The following SDK1 variants were observed in gnomAD, a reference collection of about 807,000 sequenced individuals.
The protein encoded by SDK1 is sidekick cell adhesion molecule 1.
A neutral mutation model predicts 245.5 loss-of-function variants in SDK1; 157 were observed. The observed-to-expected ratio is 0.64, with a 90% confidence interval of 0.56 to 0.73. The LOEUF (loss-of-function observed/expected upper bound fraction) is 0.73. Ranked by LOEUF, SDK1 falls within the 30% of genes least tolerant of loss-of-function variation. SDK1 has a pLI of 0.00. For missense variants in SDK1, 3,583 were observed against 3,002.3 expected (o/e 1.19, Z -4.52); for synonymous variants, 1,647 against 1,278.5 (o/e 1.29, Z -6.15).
At chr7:4,069,435 G>A (rs942449077) in intron 20 of SDK1, among the ~76,000 whole-genome samples, 6 of 152,240 alleles carry the variant, frequency 3.9e-5, no homozygotes, top group Admixed American at 1.3e-4. Context: ...CCCGGCAGGG[G>A]CTCCTGCGTG....
chr7:3,994,798 C>T (rs1784582062), intron 14 of SDK1, among the ~76,000 whole-genome samples: 1 of 152,090 alleles, frequency 6.6e-6, no homozygotes, highest in Non-Finnish European at 1.5e-5. Context: ...CACCACTGAC[C>T]CTAACTGGCT....
intron 1 of SDK1, among the ~76,000 whole-genome samples, chr7:3,530,311 A>G (rs1433730503): frequency 6.6e-6 from 1 of 152,174 alleles, no homozygotes; most frequent in African/African-American, 2.4e-5. Context: ...GGTATCCTTC[A>G]CAGATGTTCC....
At position 3,681,138 on chromosome 7, in the gene SDK1, G is replaced by A. The variant is rs181459894; in HGVS notation, c.713+39033G>A. ...ATTACAGGCGTGAGCCACCGCGCCC[G>A]GCTGCCACTTTGTATTTCTTTATAG... On this transcript the variant is annotated intron_variant, in intron 4 of 44. Transcript: ENST00000404826. 3.2e-3 allele frequency among the ~76,000 whole-genome samples: 481 copies of A among 152,238 alleles called. 5 individuals carry two copies. Among genetic ancestry groups the A allele is most frequent in the African/African-American group, 0.01 (421 of 41,538 alleles).
intron 1 of SDK1, among the ~76,000 whole-genome samples, chr7:3,322,976 ATTTTTG>A (rs996638506): frequency 7.9e-5 from 12 of 152,014 alleles, no homozygotes; most frequent in Admixed American, 3.9e-4. Context: ...CACCTGGCTC[ATTTTTG>A]TTTTTGTTTT....
intron 4 of SDK1, among the ~76,000 whole-genome samples, chr7:3,781,992 A>C (rs1178470777): frequency 1.3e-5 from 2 of 152,214 alleles, no homozygotes; most frequent in Non-Finnish European, 2.9e-5. Context: ...ACCAGAAACT[A>C]TATTTAAAGA....
intron 35 of SDK1, among the ~76,000 whole-genome samples, chr7:4,190,610 TG>T (rs1783140635): frequency 6.6e-6 from 1 of 152,216 alleles, no homozygotes; most frequent in African/African-American, 2.4e-5. Flanking sequence ...GCCTCCGCCG[TG>T]GGGGATTCTC....
intron 4 of SDK1, among the ~76,000 whole-genome samples, chr7:3,753,787 AATAATACATT>A (rs1225150240): frequency 1.3e-5 from 2 of 152,192 alleles, no homozygotes; most frequent in East Asian, 3.8e-4. Flanking sequence ...ATGTACAGCC[AATAATACATT>A]TTAAAAGGCA....
intron 4 of SDK1, among the ~76,000 whole-genome samples, chr7:3,787,318 A>G (rs1269452131): frequency 6.6e-6 from 1 of 152,172 alleles, no homozygotes; most frequent in Non-Finnish European, 1.5e-5. Context: ...TAAGCATCTA[A>G]ACTCTGATTA....
chr7:3,380,451 C>T (rs4722743), intron 1 of SDK1, among the ~76,000 whole-genome samples: 152,286 of 152,358 alleles, frequency 1, 76,107 homozygotes, highest in Middle Eastern at 1. Flanking sequence ...TACCTTGAGA[C>T]TGAAGTGTCT....
chr7:3,606,679 A>G (rs939296667), intron 1 of SDK1, among the ~76,000 whole-genome samples: 1 of 152,136 alleles, frequency 6.6e-6, no homozygotes, highest in Non-Finnish European at 1.5e-5. Context: ...TTTCTTACTC[A>G]GATACCCCGT....
At chr7:3,744,594 A>C (rs893192800) in intron 4 of SDK1, among the ~76,000 whole-genome samples, 1 of 152,078 alleles carries the variant, frequency 6.6e-6, no homozygotes, top group Non-Finnish European at 1.5e-5. Flanking sequence ...GGCAGATCAC[A>C]AAGTCAGGAG....
intron 5 of SDK1, among the ~76,000 whole-genome samples, chr7:3,904,918 G>A (rs924327792): frequency 4.6e-5 from 7 of 151,824 alleles, no homozygotes; most frequent in East Asian, 1.9e-4. Flanking sequence ...GCGTGAACCC[G>A]GGAGGTGGAG....
At chr7:3,679,867 T>TA (rs1300122186) in intron 4 of SDK1, among the ~76,000 whole-genome samples, 1 of 152,226 alleles carries the variant, frequency 6.6e-6, no homozygotes, top group African/African-American at 2.4e-5. Context: ...AAACAAAACA[T>TA]ACGCTTACCA....
chr7:3,964,784 A>G (rs1246994725), intron 9 of SDK1, among the ~76,000 whole-genome samples: 1 of 152,184 alleles, frequency 6.6e-6, no homozygotes, highest in African/African-American at 2.4e-5. Flanking sequence ...GTGCACAGCC[A>G]AGGGCTCTTC....
At chr7:3,685,291 G>A (rs776243484) in intron 4 of SDK1, among the ~76,000 whole-genome samples, 3 of 151,748 alleles carry the variant, frequency 2.0e-5, no homozygotes, top group African/African-American at 4.8e-5. Context: ...AACTATGGAG[G>A]CTGGGAGGAA....
intron 3 of SDK1, among the ~76,000 whole-genome samples, chr7:3,640,376 AAAT>A (rs1782611071): frequency 6.6e-6 from 1 of 152,190 alleles, no homozygotes; most frequent in Non-Finnish European, 1.5e-5. Context: ...AGATGAAATA[AAAT>A]AATATCTAGT....
intron 5 of SDK1, among the ~76,000 whole-genome samples, chr7:3,928,524 C>G (rs188908567): frequency 6.6e-6 from 1 of 151,878 alleles, no homozygotes; most frequent in Non-Finnish European, 1.5e-5. Flanking sequence ...CTGATTTTAT[C>G]TAGCTTTAAT....
chr7:4,008,377 A>G (rs1444268133), intron 14 of SDK1, among the ~76,000 whole-genome samples: 1 of 152,268 alleles, frequency 6.6e-6, no homozygotes, highest in African/African-American at 2.4e-5. Context: ...AAGCAATTTT[A>G]CTTCTGCGCA....
chr7:3,370,788 C>G (rs1056651197), intron 1 of SDK1, among the ~76,000 whole-genome samples: 3 of 152,192 alleles, frequency 2.0e-5, no homozygotes. Flanking sequence ...TTCATGTACA[C>G]AGTGTGCATA....
Sources: allele counts gnomAD v4.1 joint callset (sites outside exome capture counted in the v4.1 genomes callset), GRCh38; gene constraint gnomAD v4.1.1; transcripts MANE v1.5; gene names NCBI Gene and HGNC (gene_info 2026-07-23, HGNC 2026-07-21).